TMEM255A: variants seen among roughly 807,000 people sequenced by gnomAD.
TMEM255A encodes the protein transmembrane protein 255A, also known as family with sequence similarity 70, member A.
Under a neutral mutation model 23.5 loss-of-function variants are expected in TMEM255A, and 14 were observed. That is an observed-to-expected ratio of 0.60 (90% CI 0.39 to 0.93). TMEM255A has a LOEUF of 0.93. Ranked by LOEUF, TMEM255A falls within the 40% of genes least tolerant of loss-of-function variation. TMEM255A has a pLI of 0.00. For missense variants in TMEM255A, 233 were observed against 261.7 expected (o/e 0.89, Z 0.76); for synonymous variants, 104 against 100.3 (o/e 1.04, Z -0.22).
intron 4 of TMEM255A, 69 bp downstream of exon 4, chrX:120,291,182 C>G (rs983968319): frequency 2.4e-6 from 2 of 840,254 alleles, no homozygotes; most frequent in African/African-American, 4.0e-5. Flanking sequence ...GACTGAACAT[C>G]GAGCACACAT....
intron 7 of TMEM255A, among the ~76,000 whole-genome samples, chrX:120,270,753 C>T (rs782307777): frequency 9.1e-6 from 1 of 110,388 alleles, no homozygotes; most frequent in Non-Finnish European, 1.9e-5. Context: ...TCACAGCCCT[C>T]GGCTCCTGTC....
intron 4 of TMEM255A, 40 bp from the exon 5 acceptor site, chrX:120,287,262 G>T: frequency 9.3e-7 from 1 of 1,074,597 alleles, no homozygotes; most frequent in Non-Finnish European, 1.3e-6. Context: ...TTTTGACTTT[G>T]GAAAATAAAA....
intron 1 of TMEM255A, among the ~76,000 whole-genome samples, chrX:120,307,661 G>A (rs2058073181): frequency 8.9e-6 from 1 of 112,275 alleles, no homozygotes; most frequent in Non-Finnish European, 1.9e-5. Flanking sequence ...ATTTTTTAAT[G>A]TAGGGTACAC....
intron 5 of TMEM255A, chrX:120,285,544 A>T: frequency 8.5e-7 from 1 of 1,172,400 alleles, no homozygotes; most frequent in East Asian, 3.0e-5. Flanking sequence ...GGGCAGGCAA[A>T]ATCAGGGTAC....
chrX:120,272,944 G>A (rs782372959), intron 7 of TMEM255A, among the ~76,000 whole-genome samples: 37 of 110,697 alleles, frequency 3.3e-4, no homozygotes, highest in African/African-American at 1.1e-3. Flanking sequence ...GTTTCACCAT[G>A]TTGGCCAGGC....
downstream of TMEM255A, chrX:120,253,805 G>A (rs782089877): frequency 8.3e-6 from 10 of 1,211,412 alleles, no homozygotes; most frequent in Non-Finnish European, 1.1e-5. Flanking sequence ...CAGGTACAGC[G>A]CAGGATGGTA....
chrX:120,302,817 C>T (rs1387129675), intron 2 of TMEM255A, among the ~76,000 whole-genome samples: 3 of 111,036 alleles, frequency 2.7e-5, no homozygotes, highest in African/African-American at 9.8e-5. Flanking sequence ...AGGCAACAGG[C>T]TCCAGGCTTG....
chrX:120,252,217 C>T, the TMEM255A span, among the ~76,000 whole-genome samples: 3 of 111,166 alleles, frequency 2.7e-5, no homozygotes, highest in Non-Finnish European at 3.8e-5. Flanking sequence ...ATTGTGACAT[C>T]GACACCCTTT....
At chrX:120,282,872 C>A (rs2057846671) in intron 6 of TMEM255A, among the ~76,000 whole-genome samples, 1 of 111,332 alleles carries the variant, frequency 9.0e-6, no homozygotes, top group African/African-American at 3.3e-5. Flanking sequence ...GGTGTGTCTG[C>A]AAGGAATCAC....
intron 5 of TMEM255A, 63 bp from the exon 6 acceptor site, chrX:120,285,278 T>C: frequency 1.0e-6 from 1 of 968,900 alleles, no homozygotes; most frequent in Non-Finnish European, 1.5e-6. Context: ...CCCTCTGGGA[T>C]TGGAAATGCG....
downstream of TMEM255A, chrX:120,254,399 A>AG: frequency 8.3e-7 from 1 of 1,211,498 alleles, no homozygotes; most frequent in Non-Finnish European, 1.1e-6. Flanking sequence ...AGGCCAATGA[A>AG]GAGGAGGAGG....
downstream of TMEM255A, chrX:120,256,094 A>G (rs2057636236): frequency 8.1e-6 from 1 of 123,130 alleles, no homozygotes; most frequent in Non-Finnish European, 1.9e-5. Context: ...TTTGGTGGCT[A>G]GACCACTTTA....
intron 8 of TMEM255A, 123 bp downstream of exon 8, chrX:120,268,121 T>A: frequency 1.2e-6 from 1 of 812,156 alleles, no homozygotes; most frequent in Non-Finnish European, 1.7e-6. Context: ...ATTAGGGAGA[T>A]GCATGGCTAC....
chrX:120,265,057 A>G (rs782697755), intron 8 of TMEM255A, among the ~76,000 whole-genome samples: 13 of 109,974 alleles, frequency 1.2e-4, no homozygotes, highest in African/African-American at 4.0e-4. Flanking sequence ...TTGTATTTTT[A>G]GTAGAGATGG....
intron 7 of TMEM255A, among the ~76,000 whole-genome samples, chrX:120,276,670 A>T (rs2057800790): frequency 9.0e-6 from 1 of 111,549 alleles, no homozygotes; most frequent in Admixed American, 9.5e-5. Flanking sequence ...GTGCCTCCAG[A>T]ACACAGGTAA....
intron 2 of TMEM255A, among the ~76,000 whole-genome samples, chrX:120,296,064 C>T (rs1427805651): frequency 8.1e-5 from 9 of 111,759 alleles, no homozygotes; most frequent in Non-Finnish European, 1.7e-4. Context: ...CCTTTTGGCA[C>T]TCTGGGCCAC....
intron 8 of TMEM255A, among the ~76,000 whole-genome samples, chrX:120,261,323 C>CT (rs2057678789): frequency 8.9e-6 from 1 of 112,016 alleles, no homozygotes; most frequent in South Asian, 3.7e-4. Context: ...CCATCACTAC[C>CT]TTTTTTACAT....
At chrX:120,264,306 G>A (rs1261970473) in intron 8 of TMEM255A, among the ~76,000 whole-genome samples, 2 of 111,765 alleles carry the variant, frequency 1.8e-5, no homozygotes, top group Non-Finnish European at 3.8e-5. Flanking sequence ...TTGGACAGAT[G>A]AGCGAGGAGG....
chrX:120,282,032 C>T (rs1468306518), intron 6 of TMEM255A, among the ~76,000 whole-genome samples: 1 of 111,688 alleles, frequency 9.0e-6, no homozygotes, highest in Non-Finnish European at 1.9e-5. Flanking sequence ...TCTTGGCCTC[C>T]TTTCCAGGAA....
Sources: gnomAD v4.1 joint callset for allele counts (sites outside exome capture counted in the v4.1 genomes callset) on GRCh38, gnomAD v4.1.1 for gene constraint, MANE v1.5 for transcripts, NCBI Gene and HGNC (gene_info 2026-07-23, HGNC 2026-07-21) for gene names.